Variants in DNAH7 observed in about 807,000 individuals in gnomAD.
DNAH7 encodes the protein axonemal beta dynein heavy chain 7.
DNAH7 carries 397 observed loss-of-function variants against 444.6 expected under a neutral mutation model. The ratio of observed to expected loss-of-function variants is 0.89; its 90% CI spans 0.82 to 0.97. DNAH7 has a LOEUF of 0.97. Ranked by LOEUF, DNAH7 falls within the 50% of genes least tolerant of loss-of-function variation. The pLI, the probability that DNAH7 is intolerant of heterozygous loss-of-function variation, is 0.00. For missense variants in DNAH7, 4,902 were observed against 4,800.8 expected (o/e 1.02, Z -0.62); for synonymous variants, 1,636 against 1,624.4 (o/e 1.01, Z -0.17).
In DNAH7 at chr2:195,799,280, A is replaced by G. The variant is rs1473840260; in HGVS notation, c.10353+16T>C. The G allele has an allele frequency of 6.8e-7, 1 of 1,479,046 alleles. No individual in the cohort carries two copies. 91.6% of individuals were successfully genotyped at this position (1,479,046 alleles called of 1,614,324 possible). ...TTTTAAAATAATATCCGATAACTTC[A>G]TCTATTGTAAGGTACCTGGTCATCA... On this transcript the variant is annotated intron_variant, in intron 55 of 64. Coordinates refer to ENST00000312428, the MANE Select transcript of DNAH7 (RefSeq NM_018897.3).
chr2:195,926,143 G>C (rs1169233948), intron 22 of DNAH7, among the ~76,000 whole-genome samples: 1 of 151,822 alleles, frequency 6.6e-6, no homozygotes, highest in Admixed American at 6.6e-5. Flanking sequence ...TATTTTTAAA[G>C]GCATAAAATG....
chr2:195,747,454 T>C (rs1212900263), intron 63 of DNAH7, among the ~76,000 whole-genome samples: 1 of 152,098 alleles, frequency 6.6e-6, no homozygotes, highest in Non-Finnish European at 1.5e-5. Flanking sequence ...TTCCAATCAA[T>C]AGAGAAAGAG....
At chr2:195,772,701 T>C (rs565276783) in intron 60 of DNAH7, among the ~76,000 whole-genome samples, 1 of 152,272 alleles carries the variant, frequency 6.6e-6, no homozygotes, top group South Asian at 2.1e-4. Flanking sequence ...AATATTAACA[T>C]GCTCAAAATT....
intron 11 of DNAH7, among the ~76,000 whole-genome samples, 175 bp from the exon 12 acceptor site, chr2:196,001,058 ATGATAT>A (rs1694003423): frequency 6.6e-6 from 1 of 152,148 alleles, no homozygotes; most frequent in Non-Finnish European, 1.5e-5. Flanking sequence ...GCTACAGTTG[ATGATAT>A]CCAGTATCCA....
chr2:195,875,537 G>A lies in DNAH7; in HGVS notation c.6286+138C>T, dbSNP rs1700999021. On this transcript the variant is annotated intron_variant, in intron 38 of 64. Coordinates refer to ENST00000312428, the MANE Select transcript of DNAH7 (RefSeq NM_018897.3). ...TAGAGTTGGTCATATGATACACTCT[G>A]TTAGGTCACAATAGATACACATAGA... 6 of 785,960 alleles carry A rather than the reference G, an allele frequency of 7.6e-6. No individual in the cohort carries two copies. In the South Asian group the frequency reaches 1.3e-4, roughly 17 times the overall value. 48.7% of individuals were successfully genotyped at this position (785,960 alleles called of 1,614,324 possible).
intron 17 of DNAH7, among the ~76,000 whole-genome samples, chr2:195,963,682 G>T (rs1264560100): frequency 6.6e-6 from 1 of 152,032 alleles, no homozygotes; most frequent in Non-Finnish European, 1.5e-5. Flanking sequence ...AGAAATTTTT[G>T]CCCAGTCCAA....
rs368352842 is a variant in DNAH7, at chr2:196,010,417, G to A, written c.989+2370C>T. Among the ~76,000 whole-genome samples, 14 of 152,176 alleles carry A rather than the reference G, an allele frequency of 9.2e-5. No homozygotes were observed. In the South Asian group the frequency reaches 1.4e-3, roughly 16 times the overall value. On this transcript the variant is annotated intron_variant, in intron 10 of 64. Transcript: ENST00000312428. Reference sequence around the variant, plus strand: ...CCACCTCAGCCTCCCAAAGTGCTGGGAGTGATAGGTGTGAGCCACCATCCC... The same window carrying A: ...CCACCTCAGCCTCCCAAAGTGCTGGAAGTGATAGGTGTGAGCCACCATCCC...
intron 57 of DNAH7, among the ~76,000 whole-genome samples, chr2:195,790,980 T>G (rs1460708073): frequency 6.6e-6 from 1 of 152,028 alleles, no homozygotes; most frequent in Non-Finnish European, 1.5e-5. Context: ...ATAAGGAACT[T>G]AAACAATTTA....
In DNAH7 at chr2:196,007,733, C is replaced by T. The variant is rs10185664; in HGVS notation, c.989+5054G>A. Reference sequence around the variant, plus strand: ...CCCCTACACATGCCCTCTTGCCTGTCGCCATGTAGGACCGGGCTTTGCTCC... The same window carrying T: ...CCCCTACACATGCCCTCTTGCCTGTTGCCATGTAGGACCGGGCTTTGCTCC... On this transcript the variant is annotated intron_variant, in intron 10 of 64. Transcript: ENST00000312428. 5.9e-5 allele frequency among the ~76,000 whole-genome samples: 9 copies of T among 152,246 alleles called. No homozygotes were observed. The South Asian group carries it at 1.9e-3, about 32-fold the overall frequency.
rs533983080 is a variant in DNAH7 at position 196,031,306 on chromosome 2, C to T, written c.399-3259G>A. 7.9e-5 allele frequency among the ~76,000 whole-genome samples: 12 copies of T among 152,276 alleles called. No homozygotes were observed. The South Asian group carries it at 8.3e-4, about 11-fold the overall frequency. ...CCAAGTCCCTAGCCTGCACACAGCA[C>T]GGGGACCCTGGGCCTGGCCCACAGA... is the stretch of plus-strand genomic sequence containing the variant. On this transcript the variant is annotated intron_variant, in intron 5 of 64. Coordinates refer to ENST00000312428, the MANE Select transcript of DNAH7 (RefSeq NM_018897.3).
At chr2:195,754,705 G>A (rs543279959) in intron 62 of DNAH7, among the ~76,000 whole-genome samples, 191 bp from the exon 63 acceptor site, 1 of 152,128 alleles carries the variant, frequency 6.6e-6, no homozygotes, top group African/African-American at 2.4e-5. Flanking sequence ...TTGAGAAGGG[G>A]TTTTGCTATT....
Position 195,737,965 on chromosome 2 carries a change from A to AGT in DNAH7, c.12029_12030dup (p.Trp4011ThrfsTer7). On this transcript the variant is annotated frameshift_variant, in exon 65 of 65. Transcript: ENST00000312428. LOFTEE classifies it high-confidence loss of function. Reference sequence around the variant, plus strand: ...AACAGTGCTACACCTCGTCCAATCCAGTGTTCCTTGGGTTGGTCAGAGGGA... The same window carrying AGT: ...AACAGTGCTACACCTCGTCCAATCCAGTGTGTTCCTTGGGTTGGTCAGAGGGA... 1 of 1,614,130 alleles carries AGT rather than the reference A, an allele frequency of 6.2e-7. No individual in the cohort carries two copies. Among genetic ancestry groups the AGT allele is most frequent in the Non-Finnish European group, 8.5e-7 (1 of 1,179,956 alleles).
chr2:195,853,371 A>G lies in DNAH7; in HGVS notation c.8753T>C (p.Leu2918Pro). 6.2e-7 allele frequency: 1 copy of G among 1,614,078 alleles called. No homozygotes were observed. Among genetic ancestry groups the G allele is most frequent in the Non-Finnish European group, 8.5e-7 (1 of 1,179,988 alleles). The change falls in exon 46 of 65, where the codon CTC (leucine) becomes CCC (proline). Residue 2918 changes from leucine to proline, a missense_variant. Physicochemically the swap from Leu to Pro is moderately conservative, Grantham distance 98 (BLOSUM62 -3). Transcript: ENST00000312428. ...TCTATAGGTGGATGTGAAGGCTCCGAGGTAAGCAACCACTCCGGAGGAAAT... is the reference window on the plus strand; with the variant it reads ...TCTATAGGTGGATGTGAAGGCTCCGGGGTAAGCAACCACTCCGGAGGAAAT... Reference protein sequence around the residue: ...ILISSGVVAYLGAFTSTYRQN... With the variant: ...ILISSGVVAYPGAFTSTYRQN...
At chr2:195,877,000 G>T (rs1053658339) in intron 36 of DNAH7, among the ~76,000 whole-genome samples, 11 of 152,154 alleles carry the variant, frequency 7.2e-5, no homozygotes, top group African/African-American at 2.7e-4. Flanking sequence ...AGATGGGCAA[G>T]AATTCAGACT....
At chr2:196,054,363 C>T (rs1251015529) in intron 2 of DNAH7, among the ~76,000 whole-genome samples, 45 of 151,614 alleles carry the variant, frequency 3.0e-4, no homozygotes, top group Non-Finnish European at 1.6e-4. Flanking sequence ...TCTACCAAAA[C>T]AGATACACAA....
At chr2:195,800,927 G>A (rs1168059976) in intron 54 of DNAH7, among the ~76,000 whole-genome samples, 1 of 152,074 alleles carries the variant, frequency 6.6e-6, no homozygotes, top group African/African-American at 2.4e-5. Context: ...TTTCAAATCT[G>A]TACTCCCTTT....
rs868637849 is a variant in DNAH7 at position 195,960,639 on chromosome 2, T to A, written c.2512A>T (p.Ile838Phe). The change falls in exon 18 of 65, where the codon ATT (isoleucine) becomes TTT (phenylalanine). Residue 838 changes from isoleucine (I) to phenylalanine (F), a missense_variant. Ile to Phe is a conservative substitution (Grantham distance 21). Coordinates refer to ENST00000312428, the MANE Select transcript of DNAH7 (RefSeq NM_018897.3). ...RSKVEDFKQH[I>F]PLIQVICNPG... ...TTACAGATCACTTGAATGAGAGGAATGTGCTGCTTGAAATCTTCCACCTTT... is the reference window on the plus strand; with the variant it reads ...TTACAGATCACTTGAATGAGAGGAAAGTGCTGCTTGAAATCTTCCACCTTT... The A allele has an allele frequency of 6.2e-7, 1 of 1,614,140 alleles. No homozygotes were observed. The highest frequency in any genetic ancestry group is 8.5e-7 in the Non-Finnish European group (1 of 1,180,052).
intron 58 of DNAH7, among the ~76,000 whole-genome samples, chr2:195,778,669 T>C (rs7581800): frequency 0.49 from 30,895 of 63,380 alleles, 9,928 homozygotes; most frequent in Non-Finnish European, 0.58. Context: ...TATATATATA[T>C]ACACACACAC....
chr2:195,951,408 T>C (rs548730047), intron 19 of DNAH7, among the ~76,000 whole-genome samples: 2 of 152,330 alleles, frequency 1.3e-5, no homozygotes, highest in East Asian at 3.9e-4. Context: ...GAGAAGAATG[T>C]ATATTCTGTT....
Sources: gnomAD v4.1 joint callset for allele counts (sites outside exome capture counted in the v4.1 genomes callset) on GRCh38, gnomAD v4.1.1 for gene constraint, MANE v1.5 for transcripts, NCBI Gene and HGNC (gene_info 2026-07-23, HGNC 2026-07-21) for gene names.